CDS1: variants seen among roughly 807,000 people sequenced by gnomAD.
The protein encoded by CDS1 is CDP-diacylglycerol synthase 1.
A neutral mutation model predicts 62.1 loss-of-function variants in CDS1; 41 were observed. The observed-to-expected ratio is 0.66, with a 90% CI of 0.51 to 0.86. CDS1 has a LOEUF of 0.86. CDS1 is among the 40% of genes least tolerant of loss of function. The pLI is 0.00. For synonymous variants in CDS1, 185 were observed against 192.6 expected (o/e 0.96, Z 0.32); for missense variants, 470 against 550.1 (o/e 0.85, Z 1.46).
chr4:84,642,917 G>A (rs750793991), intron 10 of CDS1, 107 bp from the exon 11 acceptor site: 63 of 1,077,036 alleles, frequency 5.8e-5, no homozygotes, highest in Non-Finnish European at 8.2e-5. Context: ...AAAATGTGGT[G>A]CGTGCTTTGA....
chr4:84,595,178 G>A (rs1722711061), intron 1 of CDS1, among the ~76,000 whole-genome samples: 1 of 152,022 alleles, frequency 6.6e-6, no homozygotes, highest in Non-Finnish European at 1.5e-5. Context: ...TAAAAGAAAG[G>A]GTACTCTGTT....
chr4:84,628,497 A>AC (rs1723924304), intron 5 of CDS1, among the ~76,000 whole-genome samples: 2 of 151,042 alleles, frequency 1.3e-5, no homozygotes, highest in South Asian at 4.3e-4. Context: ...ACTTTTCCTG[A>AC]CCCCCTTAAA....
At chr4:84,623,088 T>C (rs1241581812) in intron 5 of CDS1, among the ~76,000 whole-genome samples, 3 of 152,328 alleles carry the variant, frequency 2.0e-5, no homozygotes, top group South Asian at 2.1e-4. Context: ...AGTATATCAA[T>C]TGCCTTTTTT....
intron 1 of CDS1, among the ~76,000 whole-genome samples, chr4:84,599,405 CATATATATATATATATATATATATAT>C (rs59313355): frequency 8.1e-5 from 2 of 24,708 alleles, no homozygotes; most frequent in South Asian, 1.9e-3. Context: ...CACACACACA[CATATATATATATATATATATATATAT>C]ATATATATAT....
intron 5 of CDS1, 44 bp downstream of exon 5, chr4:84,619,577 T>C: frequency 8.5e-7 from 1 of 1,171,710 alleles, no homozygotes; most frequent in Non-Finnish European, 1.2e-6. Context: ...TTAACATATT[T>C]TCCATGTTTA....
chr4:84,633,543 CTCA>C (rs1019939526), intron 6 of CDS1, among the ~76,000 whole-genome samples: 1 of 152,176 alleles, frequency 6.6e-6, no homozygotes, highest in African/African-American at 2.4e-5. Context: ...ACAGAAATCT[CTCA>C]TCATCACTTA....
chr4:84,605,525 A>C (rs562393088), intron 2 of CDS1, among the ~76,000 whole-genome samples: 8 of 152,258 alleles, frequency 5.3e-5, no homozygotes, highest in African/African-American at 1.9e-4. Flanking sequence ...AACCAATAGA[A>C]CATATCTTTG....
At chr4:84,636,725 A>G (rs921295546) in intron 8 of CDS1, among the ~76,000 whole-genome samples, 13 of 152,046 alleles carry the variant, frequency 8.6e-5, no homozygotes, top group African/African-American at 2.9e-4. Flanking sequence ...GGGTTTCACC[A>G]TGTTGGCCAG....
intron 3 of CDS1, among the ~76,000 whole-genome samples, chr4:84,611,634 A>C (rs1002793679): frequency 6.6e-6 from 1 of 152,206 alleles, no homozygotes; most frequent in Non-Finnish European, 1.5e-5. Context: ...TTGTCCTCTC[A>C]TTAATTTTTC....
In CDS1 at chr4:84,632,884, G is replaced by A. The variant is rs1724066887; in HGVS notation, c.640-973G>A. On this transcript the variant is annotated intron_variant, in intron 6 of 12. Transcript: ENST00000295887. ...CATGCCTGTAATCGCAACACTTTGG[G>A]AGGCCAAGGCAGGCGGATACCTTGA... 1.3e-5 allele frequency among the ~76,000 whole-genome samples: 2 copies of A among 152,248 alleles called. 1 individual carries two copies. Among genetic ancestry groups the A allele is most frequent in the Admixed American group, 1.3e-4 (2 of 15,284 alleles).
chr4:84,622,827 C>A (rs1037160786), intron 5 of CDS1, among the ~76,000 whole-genome samples: 1 of 151,546 alleles, frequency 6.6e-6, no homozygotes, highest in Non-Finnish European at 1.5e-5. Context: ...TACTTTACTT[C>A]TTCATATTCA....
intron 9 of CDS1, among the ~76,000 whole-genome samples, chr4:84,639,295 GT>G (rs1724309180): frequency 6.6e-6 from 1 of 152,164 alleles, no homozygotes; most frequent in South Asian, 2.1e-4. Flanking sequence ...GTGCTGTTGT[GT>G]TTGGTAGTTT....
intron 6 of CDS1, among the ~76,000 whole-genome samples, chr4:84,632,972 AAATT>A (rs1210304723): frequency 6.6e-6 from 1 of 152,162 alleles, no homozygotes; most frequent in African/African-American, 2.4e-5. Context: ...AAGAATATGA[AAATT>A]AACCGGGCGT....
chr4:84,649,865 C>G lies in CDS1; in HGVS notation c.*1179C>G, dbSNP rs1724678936. On this transcript the variant is annotated 3_prime_UTR_variant, in exon 13 of 13. Transcript: ENST00000295887. The stretch of plus-strand genomic sequence containing the variant: ...TTGATTCCTACACGAAAAAAAAGCA[C>G]ACGAATGCCAAACCTTTCCTTTGGT... The G allele has an allele frequency of 6.6e-6, 1 of 152,094 alleles. No homozygotes were observed. The highest frequency in any genetic ancestry group is 2.4e-5 in the African/African-American group (1 of 41,374). The allele number at this position is 152,094 out of a possible 1,614,324, so 9.4% of individuals were successfully genotyped here. A position where few individuals can be genotyped will look rare whatever the true frequency, so the allele number is the denominator to read the frequency against.
At chr4:84,615,580 C>T (rs1231641948) in intron 3 of CDS1, among the ~76,000 whole-genome samples, 1 of 152,074 alleles carries the variant, frequency 6.6e-6, no homozygotes, top group Non-Finnish European at 1.5e-5. Flanking sequence ...TGCCGTTGCC[C>T]ACCCCCTCCC....
chr4:84,650,687 G>A lies in CDS1; in HGVS notation c.*2001G>A, dbSNP rs138600095. The A allele has an allele frequency of 8.6e-4, 131 of 152,232 alleles. 1 individual carries two copies. Among genetic ancestry groups the A allele is most frequent in the African/African-American group, 3.1e-3 (130 of 41,552 alleles). 9.4% of individuals were successfully genotyped at this position (152,232 alleles called of 1,614,324 possible). On this transcript the variant is annotated 3_prime_UTR_variant, in exon 13 of 13. Coordinates refer to ENST00000295887, the MANE Select transcript of CDS1 (RefSeq NM_001263.4). ...AATCAATATTATTATAAACAAAATA[G>A]GAAGCTAGAAATATTTGGGATCACA...
chr4:84,629,245 A>T (rs1723946545), intron 5 of CDS1, among the ~76,000 whole-genome samples: 1 of 151,962 alleles, frequency 6.6e-6, no homozygotes. Context: ...GATTAAGTTC[A>T]TATGTTTCTC....
intron 5 of CDS1, among the ~76,000 whole-genome samples, chr4:84,626,854 A>G (rs1020095762): frequency 2.0e-5 from 3 of 152,184 alleles, no homozygotes; most frequent in Non-Finnish European, 4.4e-5. Flanking sequence ...ATGCACATCC[A>G]CACACAGTGC....
At chr4:84,607,455 G>A (rs751227070) in intron 2 of CDS1, among the ~76,000 whole-genome samples, 34 of 138,180 alleles carry the variant, frequency 2.5e-4, no homozygotes, top group Non-Finnish European at 4.3e-4. Flanking sequence ...CCTCAGTATC[G>A]GGGACCACAG....
Sources: allele counts gnomAD v4.1 joint callset (sites outside exome capture counted in the v4.1 genomes callset), GRCh38; gene constraint gnomAD v4.1.1; transcripts MANE v1.5; gene names NCBI Gene and HGNC (gene_info 2026-07-23, HGNC 2026-07-21).